PIEZO2: variants seen among roughly 807,000 people sequenced by gnomAD.
The protein encoded by PIEZO2 is piezo-type mechanosensitive ion channel component 2.
PIEZO2 carries 172 observed loss-of-function variants against 337.3 expected under a neutral mutation model. The ratio of observed to expected loss-of-function variants is 0.51; its 90% CI spans 0.45 to 0.58. The LOEUF (loss-of-function observed/expected upper bound fraction) is 0.58, where lower values mean the gene tolerates loss of function less well. Among genes scored for constraint, PIEZO2 ranks in the 20% least tolerant of loss-of-function variants. The pLI, the probability that PIEZO2 is intolerant of heterozygous loss-of-function variation, is 0.00. For missense variants in PIEZO2, 3,028 were observed against 3,391.3 expected (o/e 0.89, Z 2.66); for synonymous variants, 1,251 against 1,228.5 (o/e 1.02, Z -0.38).
chr18:11,054,799 C>A (rs2037656608), intron 2 of PIEZO2, among the ~76,000 whole-genome samples: 1 of 152,140 alleles, frequency 6.6e-6, no homozygotes, highest in Admixed American at 6.5e-5. Context: ...GAGAGAATGC[C>A]AAGCCCAGGG....
At chr18:10,995,083 A>AAAAAAAAGAAAAAG (rs1568276859) in intron 2 of PIEZO2, among the ~76,000 whole-genome samples, 1 of 59,816 alleles carries the variant, frequency 1.7e-5, no homozygotes, top group African/African-American at 6.6e-5. Flanking sequence ...GTCTCAAAAA[A>AAAAAAAAGAAAAAG]AAAAAAAAAA....
rs72976262 is a variant in PIEZO2 at position 10,762,438 on chromosome 18, A to G, written c.3249+62T>C. 5,602 of 1,502,744 alleles carry G rather than the reference A, an allele frequency of 3.7e-3. 22 individuals are homozygous for G. Among genetic ancestry groups the G allele is most frequent in the Middle Eastern group, 0.027 (159 of 5,800 alleles). 93.1% of individuals were successfully genotyped at this position (1,502,744 alleles called of 1,614,324 possible). A position where few individuals can be genotyped will look rare whatever the true frequency, so the allele number is the denominator to read the frequency against. ...ATGTGATGTTAAGCGTCTCATGGAA[A>G]AGAATCCTGAACTATTATATAACGG... On this transcript the variant is annotated intron_variant, in intron 23 of 55. Coordinates refer to ENST00000674853, the MANE Select transcript of PIEZO2 (RefSeq NM_001378183.1).
intron 4 of PIEZO2, among the ~76,000 whole-genome samples, chr18:10,904,630 G>A (rs1476354346): frequency 6.6e-6 from 1 of 152,176 alleles, no homozygotes; most frequent in Non-Finnish European, 1.5e-5. Flanking sequence ...TATGGCCAAG[G>A]CATTTCTTCT....
intron 4 of PIEZO2, among the ~76,000 whole-genome samples, chr18:10,907,727 C>CT (rs2030086147): frequency 6.6e-6 from 1 of 152,088 alleles, no homozygotes; most frequent in Non-Finnish European, 1.5e-5. Flanking sequence ...CCACGCCCAC[C>CT]TGGCATCACC....
chr18:10,903,547 G>A lies in PIEZO2; in HGVS notation c.329+7639C>T, dbSNP rs190002392. On this transcript the variant is annotated intron_variant, in intron 4 of 55. Coordinates refer to ENST00000674853, the MANE Select transcript of PIEZO2 (RefSeq NM_001378183.1). The surrounding 1 kb of genome is among the most constrained non-coding windows in gnomAD (Gnocchi z 4.1). ...TAGCTGGGCATAGTGGCGCGCTCCT[G>A]TAGTCCCAGCTACTTGGGAGGCTGA... 3.3e-5 allele frequency among the ~76,000 whole-genome samples: 5 copies of A among 152,180 alleles called. No individual in the cohort carries two copies. Among genetic ancestry groups the A allele is most frequent in the East Asian group, 1.9e-4 (1 of 5,168 alleles).
chr18:10,680,520 A>G, intron 51 of PIEZO2, 149 bp from the exon 52 acceptor site: 1 of 780,922 alleles, frequency 1.3e-6, no homozygotes, highest in Non-Finnish European at 2.0e-6. Context: ...TGAGTGTTCC[A>G]TTGCACTAAT....
Position 10,715,761 on chromosome 18 carries a change from C to T in PIEZO2, c.5145G>A (p.Leu1715=). ...AAGTAGTGAAACTGTCCACTGTTGC[C>T]AGAAATAGGACCCAGGTAAATTTCA... ...NILKFTWVLF[L]ATVDSFTTWL... Residue 1715 remains leucine (L), a synonymous_variant, in exon 38 of 56, where the codon CTG becomes CTA. Transcript: ENST00000674853. 1 of 1,534,956 alleles carries T rather than the reference C, an allele frequency of 6.5e-7. No homozygotes were observed. The highest frequency in any genetic ancestry group is 8.7e-7 in the Non-Finnish European group (1 of 1,145,086).
In PIEZO2 at chr18:11,146,984, A is replaced by G. The variant is rs1456388474; in HGVS notation, c.64+1541T>C. 1.3e-5 allele frequency among the ~76,000 whole-genome samples: 2 copies of G among 152,210 alleles called. No individual in the cohort carries two copies. The highest frequency in any genetic ancestry group is 2.9e-5 in the Non-Finnish European group (2 of 68,042). On this transcript the variant is annotated intron_variant, in intron 1 of 55. Coordinates refer to ENST00000674853, the MANE Select transcript of PIEZO2 (RefSeq NM_001378183.1). This position sits in a 1 kb window ranked among gnomAD's most constrained non-coding sequence, Gnocchi z 6.1. Reference sequence around the variant, plus strand: ...AGGACCATAAATCACGCTTCATGCTAAAAGCCCTTTGTTAACTCGGTCACT... The same window carrying G: ...AGGACCATAAATCACGCTTCATGCTGAAAGCCCTTTGTTAACTCGGTCACT...
intron 13 of PIEZO2, among the ~76,000 whole-genome samples, chr18:10,792,667 T>A (rs1010477749): frequency 6.6e-6 from 1 of 152,226 alleles, no homozygotes; most frequent in African/African-American, 2.4e-5. Flanking sequence ...ATTTTATCCT[T>A]TCATTAGTTA....
chr18:10,949,217 TCCTG>T (rs1228091703), intron 3 of PIEZO2, among the ~76,000 whole-genome samples: 4 of 152,238 alleles, frequency 2.6e-5, no homozygotes, highest in Non-Finnish European at 5.9e-5. Flanking sequence ...TTTTCTCATT[TCCTG>T]CCAGTTTGTA....
Position 11,146,438 on chromosome 18 carries a change from C to A in PIEZO2, c.64+2087G>T, listed in dbSNP as rs971017752. 6.6e-6 allele frequency among the ~76,000 whole-genome samples: 1 copy of A among 152,122 alleles called. No homozygotes were observed. The highest frequency in any genetic ancestry group is 1.5e-5 in the Non-Finnish European group (1 of 68,018). Reference sequence around the variant, plus strand: ...GGCAGGGCTGAATCCAGACCCCAGTCCCCCCACCTCCACCCTGGCTGCGAG... The same window carrying A: ...GGCAGGGCTGAATCCAGACCCCAGTACCCCCACCTCCACCCTGGCTGCGAG... On this transcript the variant is annotated intron_variant, in intron 1 of 55. Transcript: ENST00000674853. The surrounding 1 kb of genome is among the most constrained non-coding windows in gnomAD (Gnocchi z 6.1).
At chr18:10,811,625 C>T (rs2040192851) in intron 7 of PIEZO2, among the ~76,000 whole-genome samples, 1 of 152,118 alleles carries the variant, frequency 6.6e-6, no homozygotes, top group Admixed American at 6.5e-5. Context: ...TTTAGTGCCC[C>T]ACTTTAGGAA....
At chr18:10,692,394 T>C (rs1411326222) in intron 47 of PIEZO2, among the ~76,000 whole-genome samples, 1 of 152,228 alleles carries the variant, frequency 6.6e-6, no homozygotes, top group Non-Finnish European at 1.5e-5. Context: ...TTGAATGTTT[T>C]GATACAAGCA....
At position 10,715,662 on chromosome 18, in the gene PIEZO2, T is replaced by A. The variant is rs1003368666; in HGVS notation, c.5244A>T (p.Arg1748Ser). The part of the protein sequence containing the change: ...VLRIERCMLT[R>S]EIKKGNVPTR... ...CCAGCAGTGTTACCTTCTTAATTTC[T>A]CTGGTCAGCATGCATCGTTCAATTC... is the stretch of plus-strand genomic sequence containing the variant. The change falls in exon 38 of 56, where the codon AGA becomes AGT. Residue 1748 changes from arginine (R) to serine (S), a missense_variant. This residue lies in a region of PIEZO2 where 1,925 missense variants were observed against 2,051.9 expected (regional missense o/e 0.94). Coordinates refer to ENST00000674853, the MANE Select transcript of PIEZO2 (RefSeq NM_001378183.1). The A allele has an allele frequency of 4.9e-5, 74 of 1,525,340 alleles. No homozygotes were observed. Among genetic ancestry groups the A allele is most frequent in the Non-Finnish European group, 6.2e-5 (71 of 1,143,060 alleles). 94.5% of individuals were successfully genotyped at this position (1,525,340 alleles called of 1,614,324 possible). A position where few individuals can be genotyped will look rare whatever the true frequency, so the allele number is the denominator to read the frequency against.
At chr18:10,957,124 T>G (rs2033571513) in intron 3 of PIEZO2, among the ~76,000 whole-genome samples, 1 of 151,072 alleles carries the variant, frequency 6.6e-6, no homozygotes. Flanking sequence ...GGAGGCCAGG[T>G]GCAGTGGCTC....
At chr18:11,025,740 C>CA (rs1230569918) in intron 2 of PIEZO2, among the ~76,000 whole-genome samples, 1 of 152,200 alleles carries the variant, frequency 6.6e-6, no homozygotes, top group Admixed American at 6.5e-5. Flanking sequence ...CGAAGTTACT[C>CA]AGAGCCCATG....
chr18:10,742,875 T>A (rs764608599), intron 31 of PIEZO2, among the ~76,000 whole-genome samples: 13 of 152,004 alleles, frequency 8.6e-5, no homozygotes, highest in Non-Finnish European at 1.8e-4. Flanking sequence ...CTTAATAATA[T>A]GATCAATAAT....
In PIEZO2 at chr18:10,789,210, C is replaced by A. The variant is rs2039329271; in HGVS notation, c.2038G>T (p.Val680Leu). Residue 680 changes from valine to leucine, a missense_variant, in exon 15 of 56, where the codon GTG becomes TTG. Coordinates refer to ENST00000674853, the MANE Select transcript of PIEZO2 (RefSeq NM_001378183.1). ...ATCCAGTACTTGATGAACATGGCCA[C>A]CACCAGATTGCCCAGGACTTTCATG... ...DIMKVLGNLV[V>L]AMFIKYWIYV... is the part of the protein sequence containing the mutation. 12 of 1,537,304 alleles carry A rather than the reference C, an allele frequency of 7.8e-6. No individual in the cohort carries two copies. The highest frequency in any genetic ancestry group is 1.0e-5 in the Non-Finnish European group (12 of 1,146,912).
rs557459100 is a variant in PIEZO2, at chr18:10,935,158, G to T, written c.287-23930C>A. ...TTTTTTTAAATGTCATGTTTTGTAT[G>T]TGAGGAGAATATCATGGTAGAATTC... On this transcript the variant is annotated intron_variant, in intron 3 of 55. Transcript: ENST00000674853. 1.0e-3 allele frequency among the ~76,000 whole-genome samples: 157 copies of T among 152,298 alleles called. 1 individual carries two copies. Among genetic ancestry groups the T allele is most frequent in the Admixed American group, 6.0e-3 (92 of 15,300 alleles).
Sources: allele counts gnomAD v4.1 joint callset (sites outside exome capture counted in the v4.1 genomes callset), GRCh38; gene constraint gnomAD v4.1.1; regional missense constraint gnomAD v4.1.1; non-coding constraint Gnocchi (gnomAD v3.1); transcripts MANE v1.5; gene names NCBI Gene and HGNC (gene_info 2026-07-23, HGNC 2026-07-21).